Variants in IFFO2 observed in about 807,000 individuals in gnomAD.
IFFO2 encodes the protein intermediate filament family orphan 2.
IFFO2 carries 19 observed loss-of-function variants against 53.5 expected under a neutral mutation model. That is an observed-to-expected ratio of 0.36 (90% CI 0.25 to 0.52). The LOEUF (loss-of-function observed/expected upper bound fraction) is 0.52, where lower values mean the gene tolerates loss of function less well. Ranked by LOEUF, IFFO2 falls within the 20% of genes least tolerant of loss-of-function variation. The probability of loss-of-function intolerance (pLI) is 0.94; values close to 1 mark genes in which losing one functional copy is unlikely to be tolerated. For synonymous variants in IFFO2, 303 were observed against 313.6 expected (o/e 0.97, Z 0.36); for missense variants, 570 against 727.4 (o/e 0.78, Z 2.49).
intron 1 of IFFO2, among the ~76,000 whole-genome samples, chr1:18,921,546 A>G (rs535336788): frequency 1.3e-5 from 2 of 152,304 alleles, no homozygotes; most frequent in African/African-American, 4.8e-5. Flanking sequence ...ACCCACAAGA[A>G]ACAAACTTTT....
At chr1:18,923,335 G>A (rs1307676251) in intron 1 of IFFO2, among the ~76,000 whole-genome samples, 3 of 152,222 alleles carry the variant, frequency 2.0e-5, no homozygotes, top group Non-Finnish European at 4.4e-5. Context: ...TCATGAGGAA[G>A]GCGAGGCAGG....
chr1:18,923,098 G>C (rs1936237379), intron 1 of IFFO2, among the ~76,000 whole-genome samples: 1 of 152,226 alleles, frequency 6.6e-6, no homozygotes, highest in Non-Finnish European at 1.5e-5. Context: ...AGGTGCAAGG[G>C]CGAGCCCCGG....
chr1:18,929,980 A>G (rs1289527535), intron 1 of IFFO2, among the ~76,000 whole-genome samples: 1 of 152,204 alleles, frequency 6.6e-6, no homozygotes, highest in African/African-American at 2.4e-5. Flanking sequence ...ACAAATGCTC[A>G]AAAGCCAGCT....
At chr1:18,914,678 C>T (rs1322738984) in intron 5 of IFFO2, among the ~76,000 whole-genome samples, 1 of 151,934 alleles carries the variant, frequency 6.6e-6, no homozygotes, top group Non-Finnish European at 1.5e-5. Flanking sequence ...AAAAAATTAG[C>T]TGGGTGTGGT....
intron 1 of IFFO2, among the ~76,000 whole-genome samples, chr1:18,944,381 G>A (rs1936559359): frequency 6.6e-6 from 1 of 152,158 alleles, no homozygotes; most frequent in Non-Finnish European, 1.5e-5. Flanking sequence ...GGGCGATCGG[G>A]GGCCGGGGCG....
At chr1:18,932,251 C>G (rs1936388273) in intron 1 of IFFO2, among the ~76,000 whole-genome samples, 1 of 152,252 alleles carries the variant, frequency 6.6e-6, no homozygotes, top group African/African-American at 2.4e-5. Flanking sequence ...TAAACGGAGG[C>G]TCTCGTCCCT....
chr1:18,906,010 A>G lies in IFFO2; in HGVS notation c.*2551T>C, dbSNP rs1935942525. 1 of 152,156 alleles carries G rather than the reference A, an allele frequency of 6.6e-6. No individual in the cohort carries two copies. Among genetic ancestry groups the G allele is most frequent in the African/African-American group, 2.4e-5 (1 of 41,386 alleles). 9.4% of individuals were successfully genotyped at this position (152,156 alleles called of 1,614,324 possible). A position where few individuals can be genotyped will look rare whatever the true frequency, so the allele number is the denominator to read the frequency against. Reference sequence around the variant, plus strand: ...CAAGCTGTGGGCTCATGGTGAGGGGACAAGCAGGGCCCACTGACATTAACT... The same window carrying G: ...CAAGCTGTGGGCTCATGGTGAGGGGGCAAGCAGGGCCCACTGACATTAACT... On this transcript the variant is annotated 3_prime_UTR_variant, in exon 9 of 9. Transcript: ENST00000455833.
chr1:18,931,013 AT>A (rs1936368780), intron 1 of IFFO2, among the ~76,000 whole-genome samples: 1 of 152,048 alleles, frequency 6.6e-6, no homozygotes, highest in Admixed American at 6.6e-5. Context: ...CCTACAAAAA[AT>A]TTTAAAAATT....
rs151130872 is a variant in IFFO2, at chr1:18,909,072, G to T, written c.1449-406C>A. On this transcript the variant is annotated intron_variant, in intron 8 of 8. Coordinates refer to ENST00000455833, the MANE Select transcript of IFFO2 (RefSeq NM_001136265.2). The stretch of plus-strand genomic sequence containing the variant: ...TCTGATTCTATCTCGGATGAGCTGG[G>T]GGTGGGGGAACTTGGGCAAACCGTT... Among the ~76,000 whole-genome samples the T allele has an allele frequency of 3.3e-3, 499 of 151,976 alleles. 4 individuals carry two copies. The highest frequency in any genetic ancestry group is 0.011 in the African/African-American group (468 of 41,422).
In IFFO2 at chr1:18,918,459, T is replaced by G. The variant is rs1936168267; in HGVS notation, c.866A>C (p.Lys289Thr). ...LDTKIQEKAM[K>T]VDMDICRRID... ...TCGGCGGCAGATGTCCATGTCCACC[T>G]TCATGGCCTTTTCTTGGATCTTTGT... The change falls in exon 4 of 9, where the codon AAG becomes ACG. Residue 289 changes from lysine (K) to threonine (T), a missense_variant. Coordinates refer to ENST00000455833, the MANE Select transcript of IFFO2 (RefSeq NM_001136265.2). This position sits in a 1 kb window ranked among gnomAD's most constrained non-coding sequence, Gnocchi z 5.2. 6.4e-7 allele frequency: 1 copy of G among 1,561,168 alleles called. No homozygotes were observed. The highest frequency in any genetic ancestry group is 8.7e-7 in the Non-Finnish European group (1 of 1,152,288).
chr1:18,951,011 C>A (rs1569869239), intron 1 of IFFO2, among the ~76,000 whole-genome samples: 1 of 152,198 alleles, frequency 6.6e-6, no homozygotes, highest in Non-Finnish European at 1.5e-5. Flanking sequence ...GGCGGGGAGG[C>A]CAGCTCTGCA....
chr1:18,910,604 C>T (rs193296967), intron 7 of IFFO2, 132 bp from the exon 8 acceptor site: 3 of 1,041,192 alleles, frequency 2.9e-6, no homozygotes, highest in African/African-American at 3.2e-5. Context: ...CCATCAGGAC[C>T]CTGCCTCCGG....
intron 5 of IFFO2, among the ~76,000 whole-genome samples, chr1:18,913,505 C>T (rs555207915): frequency 6.6e-5 from 10 of 152,266 alleles, no homozygotes; most frequent in Non-Finnish European, 1.3e-4. Context: ...CACAAATCTG[C>T]GGAGTGGGGC....
chr1:18,918,295 G>C lies in IFFO2; in HGVS notation c.963+67C>G. The C allele has an allele frequency of 6.7e-7, 1 of 1,496,098 alleles. No homozygotes were observed. The highest frequency in any genetic ancestry group is 9.1e-7 in the Non-Finnish European group (1 of 1,102,372). 92.7% of individuals were successfully genotyped at this position (1,496,098 alleles called of 1,614,324 possible). ...TGGAGGCAAACGGGTTGGCCGGGCA[G>C]GGGTGGAGGCCAGGGCTGCTCTGGG... On this transcript the variant is annotated intron_variant, in intron 4 of 8. Coordinates refer to ENST00000455833, the MANE Select transcript of IFFO2 (RefSeq NM_001136265.2). This position sits in a 1 kb window ranked among gnomAD's most constrained non-coding sequence, Gnocchi z 5.2.
At chr1:18,934,103 G>A (rs1936415689) in intron 1 of IFFO2, among the ~76,000 whole-genome samples, 1 of 105,030 alleles carries the variant, frequency 9.5e-6, no homozygotes, top group African/African-American at 3.8e-5. Context: ...GTCTCACTCT[G>A]TTGCCCAGGC....
intron 1 of IFFO2, among the ~76,000 whole-genome samples, chr1:18,925,886 TGGATGGATTGGATGGATTGGTTGGA>T (rs1936280490): frequency 5.8e-5 from 2 of 34,742 alleles, no homozygotes; most frequent in Admixed American, 3.7e-4. Flanking sequence ...GATGGATGGA[TGGATGGATTGGATGGATTGGTTGGA>T]TGGATGGATG....
At chr1:18,951,022 C>T (rs565118561) in intron 1 of IFFO2, among the ~76,000 whole-genome samples, 3 of 152,342 alleles carry the variant, frequency 2.0e-5, no homozygotes, top group Non-Finnish European at 4.4e-5. Flanking sequence ...CAGCTCTGCA[C>T]GGCAGATGGA....
At position 18,918,184 on chromosome 1, in the gene IFFO2, C is replaced by T. The variant is rs4912056; in HGVS notation, c.963+178G>A. ...GCAGTCAGACGAGCCTATGAGTCCA[C>T]GGGTGCCTGATTCTACGTTTTCCTG... On this transcript the variant is annotated intron_variant, in intron 4 of 8. Transcript: ENST00000455833. This position sits in a 1 kb window ranked among gnomAD's most constrained non-coding sequence, Gnocchi z 5.2. 0.18 allele frequency among the ~76,000 whole-genome samples: 27,573 copies of T among 152,164 alleles called. 3,137 individuals carry two copies. The highest frequency in any genetic ancestry group is 0.38 in the Admixed American group (5,860 of 15,292).
chr1:18,945,896 C>T (rs1936581637), intron 1 of IFFO2, among the ~76,000 whole-genome samples: 1 of 152,220 alleles, frequency 6.6e-6, no homozygotes, highest in South Asian at 2.1e-4. Flanking sequence ...CTCAGAGAGG[C>T]ACAGTGACTC....
Sources: allele counts gnomAD v4.1 joint callset (sites outside exome capture counted in the v4.1 genomes callset), GRCh38; gene constraint gnomAD v4.1.1; non-coding constraint Gnocchi (gnomAD v3.1); transcripts MANE v1.5; gene names NCBI Gene and HGNC (gene_info 2026-07-23, HGNC 2026-07-21).